NTM: variants seen among roughly 807,000 people sequenced by gnomAD.
NTM encodes the protein IgLON family member 2.
A neutral mutation model predicts 42.1 loss-of-function variants in NTM; 13 were observed. The observed-to-expected ratio is 0.31, with a 90% CI of 0.20 to 0.49. NTM has a LOEUF of 0.49. NTM is among the 20% of genes least tolerant of loss of function. The probability of loss-of-function intolerance (pLI) is 0.99; values close to 1 mark genes in which losing one functional copy is unlikely to be tolerated. For missense variants in NTM, 373 were observed against 452.8 expected (o/e 0.82, Z 1.60); for synonymous variants, 187 against 179.2 (o/e 1.04, Z -0.35).
At chr11:131,478,222 T>C (rs1014868618) in intron 1 of NTM, among the ~76,000 whole-genome samples, 1 of 152,162 alleles carries the variant, frequency 6.6e-6, no homozygotes, top group Non-Finnish European at 1.5e-5. Flanking sequence ...GAAACTTCCT[T>C]TATCTTGTTT....
chr11:131,557,011 G>T (rs1016522402), intron 1 of NTM, among the ~76,000 whole-genome samples: 2 of 151,894 alleles, frequency 1.3e-5, no homozygotes, highest in African/African-American at 4.8e-5. Context: ...GTGTGTGTTT[G>T]TGTGTGTGTG....
At position 132,125,285 on chromosome 11, in the gene NTM, TTGTGTGTG is replaced by T. The variant is rs57511761; in HGVS notation, c.168-20984_168-20977del. 6.7e-3 allele frequency among the ~76,000 whole-genome samples: 1,001 copies of T among 149,564 alleles called. 6 individuals carry two copies. The highest frequency in any genetic ancestry group is 0.029 in the South Asian group (138 of 4,734). On this transcript the variant is annotated intron_variant, in intron 2 of 8. Transcript: ENST00000683400. ...AGATAAATAATGTACTGGTGTGTGTTTGTGTGTGTGTGTGTGTGTGGTGTGGTATGTGG... is the reference window on the plus strand; with the variant it reads ...AGATAAATAATGTACTGGTGTGTGTTTGTGTGTGTGTGGTGTGGTATGTGG...
At chr11:131,564,200 C>T (rs975300238) in intron 1 of NTM, among the ~76,000 whole-genome samples, 1 of 152,256 alleles carries the variant, frequency 6.6e-6, no homozygotes, top group Non-Finnish European at 1.5e-5. Context: ...ACCATGAGGT[C>T]CTTTTCACTC....
intron 1 of NTM, chr11:131,777,239 G>A (rs1344850448): frequency 6.3e-6 from 1 of 158,852 alleles, no homozygotes; most frequent in African/African-American, 2.4e-5. Flanking sequence ...TTAATGTTAA[G>A]GAGAAATACT....
intron 2 of NTM, among the ~76,000 whole-genome samples, chr11:132,064,541 A>C (rs1283573802): frequency 1.3e-5 from 2 of 152,190 alleles, no homozygotes; most frequent in Admixed American, 6.5e-5. Flanking sequence ...TCAGCAATGA[A>C]GAGTTAATAG....
chr11:131,383,883 C>G (rs747007462), intron 1 of NTM, among the ~76,000 whole-genome samples: 2 of 152,048 alleles, frequency 1.3e-5, no homozygotes, highest in African/African-American at 4.8e-5. Context: ...TCCTAAGGGA[C>G]GTTGCAACCA....
chr11:131,835,800 A>C, intron 1 of NTM, among the ~76,000 whole-genome samples: 1 of 152,278 alleles, frequency 6.6e-6, no homozygotes, highest in Middle Eastern at 3.4e-3. Flanking sequence ...TTTTAACTCC[A>C]AACTGGAAGC....
intron 6 of NTM, among the ~76,000 whole-genome samples, chr11:132,313,348 T>G (rs1437106375): frequency 6.6e-6 from 1 of 152,060 alleles, no homozygotes; most frequent in Non-Finnish European, 1.5e-5. Flanking sequence ...GTCCCCTGAA[T>G]CTGTTCCAGT....
Position 131,384,913 on chromosome 11 carries a change from C to T in NTM, c.82+14025C>T, listed in dbSNP as rs553785337. On this transcript the variant is annotated intron_variant, in intron 1 of 8. Coordinates refer to ENST00000683400, the MANE Select transcript of NTM (RefSeq NM_001352005.2). ...CTGTTCATGGCTAGTGAGGTGTTCC[C>T]CAAACTCAGGCACCCAGGCCTTTCT... Among the ~76,000 whole-genome samples the T allele has an allele frequency of 4.3e-4, 66 of 152,328 alleles. 1 individual carries two copies. The highest frequency in any genetic ancestry group is 1.5e-3 in the African/African-American group (63 of 41,568).
At chr11:131,571,547 T>C (rs1428228974) in intron 1 of NTM, among the ~76,000 whole-genome samples, 1 of 152,204 alleles carries the variant, frequency 6.6e-6, no homozygotes, top group East Asian at 1.9e-4. Context: ...TTATTAGTTA[T>C]TGGGGGAAAC....
intron 2 of NTM, among the ~76,000 whole-genome samples, chr11:132,070,404 AAC>A (rs1292105370): frequency 2.9e-5 from 4 of 137,856 alleles, no homozygotes; most frequent in Non-Finnish European, 6.3e-5. Context: ...CAAGTAAGTT[AAC>A]ACGTCAAACT....
chr11:132,116,476 G>T (rs537082399), intron 2 of NTM, among the ~76,000 whole-genome samples: 1 of 152,298 alleles, frequency 6.6e-6, no homozygotes, highest in South Asian at 2.1e-4. Context: ...ACAGAGCAAG[G>T]CAGAGAATGT....
At chr11:131,566,407 ATG>A (rs372058772) in intron 1 of NTM, among the ~76,000 whole-genome samples, 3 of 147,126 alleles carry the variant, frequency 2.0e-5, no homozygotes, top group East Asian at 2.0e-4. Flanking sequence ...CCACTGGTGC[ATG>A]TGTGTGTGTG....
At chr11:131,791,072 G>A (rs149435421) in intron 1 of NTM, among the ~76,000 whole-genome samples, 196 of 152,208 alleles carry the variant, frequency 1.3e-3, no homozygotes, top group African/African-American at 3.9e-3. Context: ...GGTTTAGTGC[G>A]GTGCCTATGT....
intron 1 of NTM, among the ~76,000 whole-genome samples, chr11:131,576,761 A>G (rs2057973031): frequency 6.6e-6 from 1 of 152,202 alleles, no homozygotes; most frequent in African/African-American, 2.4e-5. Context: ...CGTAAATAAT[A>G]ACATAATCAT....
intron 2 of NTM, among the ~76,000 whole-genome samples, chr11:131,966,924 A>G (rs1294595809): frequency 1.3e-5 from 2 of 152,186 alleles, no homozygotes; most frequent in African/African-American, 2.4e-5. Flanking sequence ...CAGATTGTGA[A>G]TACCTTTAGA....
intron 1 of NTM, among the ~76,000 whole-genome samples, chr11:131,888,181 G>A (rs1191444280): frequency 6.6e-6 from 1 of 152,122 alleles, no homozygotes; most frequent in Non-Finnish European, 1.5e-5. Context: ...TGCGCCTGTG[G>A]TTTCAGCTAC....
chr11:132,163,172 G>A (rs969034476), intron 3 of NTM, among the ~76,000 whole-genome samples: 12 of 152,168 alleles, frequency 7.9e-5, no homozygotes, highest in African/African-American at 2.9e-4. Context: ...GGATTTCCTG[G>A]AACAGTGCAG....
intron 1 of NTM, chr11:131,796,322 A>C (rs1421145923): frequency 3.9e-6 from 1 of 258,758 alleles, no homozygotes; most frequent in Non-Finnish European, 6.0e-6. Flanking sequence ...CGCAGGAGGC[A>C]GGAGGGTCAC....
Sources: gnomAD v4.1 joint callset for allele counts (sites outside exome capture counted in the v4.1 genomes callset) on GRCh38, gnomAD v4.1.1 for gene constraint, MANE v1.5 for transcripts, NCBI Gene and HGNC (gene_info 2026-07-23, HGNC 2026-07-21) for gene names.